The following ARHGEF33 variants were observed in gnomAD, a reference collection of about 807,000 sequenced individuals.
ARHGEF33 encodes the protein Rho guanine nucleotide exchange factor 33.
A neutral mutation model predicts 101.9 loss-of-function variants in ARHGEF33; 72 were observed. The observed-to-expected ratio is 0.71, with a 90% CI of 0.58 to 0.86. ARHGEF33 has a LOEUF of 0.86. Ranked by LOEUF, ARHGEF33 falls within the 40% of genes least tolerant of loss-of-function variation. The pLI is 0.00. For missense variants in ARHGEF33, 1,169 were observed against 1,111.3 expected (o/e 1.05, Z -0.74); for synonymous variants, 499 against 442.5 (o/e 1.13, Z -1.60).
chr2:38,961,252 G>A (rs1385208563), intron 16 of ARHGEF33, among the ~76,000 whole-genome samples: 1 of 152,152 alleles, frequency 6.6e-6, no homozygotes, highest in Non-Finnish European at 1.5e-5. Context: ...TCTTTTGACT[G>A]GAAAAGAGTG....
intron 2 of ARHGEF33, among the ~76,000 whole-genome samples, chr2:38,909,223 G>A (rs1363393873): frequency 3.3e-5 from 5 of 152,112 alleles, no homozygotes; most frequent in Non-Finnish European, 7.3e-5. Flanking sequence ...TCACGTAAGG[G>A]GCTGACTTGA....
At chr2:38,893,232 G>A (rs1221349958) in intron 1 of ARHGEF33, among the ~76,000 whole-genome samples, 1 of 150,718 alleles carries the variant, frequency 6.6e-6, no homozygotes, top group African/African-American at 2.4e-5. Context: ...GCACAGTCTT[G>A]GCTCACTGCA....
chr2:38,912,245 T>A (rs1288418379), intron 2 of ARHGEF33, among the ~76,000 whole-genome samples: 1 of 152,154 alleles, frequency 6.6e-6, no homozygotes, highest in Non-Finnish European at 1.5e-5. Context: ...GTGAGAGGCA[T>A]GTGGCAGCAT....
At chr2:38,960,930 TAGC>T (rs1436251728) in intron 16 of ARHGEF33, among the ~76,000 whole-genome samples, 1 of 152,034 alleles carries the variant, frequency 6.6e-6, no homozygotes, top group Admixed American at 6.5e-5. Flanking sequence ...ATGGCAGAGG[TAGC>T]AGAGAAGCCC....
At chr2:38,913,949 T>C (rs1223075954) in intron 2 of ARHGEF33, among the ~76,000 whole-genome samples, 1 of 150,848 alleles carries the variant, frequency 6.6e-6, no homozygotes, top group Non-Finnish European at 1.5e-5. Context: ...ATTAGGCAAA[T>C]CAGAGGATTA....
chr2:38,955,899 T>C lies in ARHGEF33; in HGVS notation c.1222-1000T>C, dbSNP rs568221627. ...ACCGTGTTAGCCAGGATGGTCTCGA[T>C]CTCCTGGTGATCTGCCCGCCTCACC... On this transcript the variant is annotated intron_variant, in intron 13 of 17. Coordinates refer to ENST00000409978, the MANE Select transcript of ARHGEF33 (RefSeq NM_001145451.5). Among the ~76,000 whole-genome samples the C allele has an allele frequency of 5.9e-5, 9 of 152,036 alleles. No individual in the cohort carries two copies. The South Asian group carries it at 1.7e-3, about 28-fold the overall frequency.
chr2:38,908,237 GA>G (rs1260773545), intron 2 of ARHGEF33, among the ~76,000 whole-genome samples: 5 of 152,070 alleles, frequency 3.3e-5, no homozygotes, highest in Admixed American at 2.0e-4. Context: ...AGATTAAAGA[GA>G]GTCAAGTCAG....
intron 2 of ARHGEF33, among the ~76,000 whole-genome samples, chr2:38,901,183 C>T (rs1459177981): frequency 2.0e-5 from 3 of 152,130 alleles, no homozygotes; most frequent in African/African-American, 4.8e-5. Flanking sequence ...TTTTTGTGAT[C>T]AGTAAAACTG....
intron 9 of ARHGEF33, among the ~76,000 whole-genome samples, chr2:38,939,049 T>C (rs1667232051): frequency 6.6e-6 from 1 of 152,328 alleles, no homozygotes; most frequent in East Asian, 1.9e-4. Flanking sequence ...CTTGGCTCCC[T>C]GCAACATCTG....
intron 16 of ARHGEF33, among the ~76,000 whole-genome samples, chr2:38,961,386 A>G (rs935349355): frequency 2.0e-5 from 3 of 152,078 alleles, no homozygotes; most frequent in Non-Finnish European, 4.4e-5. Flanking sequence ...CAGGTGTTTG[A>G]TATTTTGGTG....
intron 2 of ARHGEF33, among the ~76,000 whole-genome samples, chr2:38,903,781 G>C (rs1008538855): frequency 6.6e-6 from 1 of 152,192 alleles, no homozygotes; most frequent in Non-Finnish European, 1.5e-5. Context: ...TACTCACCCA[G>C]TCTGGATTTT....
At chr2:38,967,360 T>C (rs920408891) in intron 17 of ARHGEF33, among the ~76,000 whole-genome samples, 1 of 152,202 alleles carries the variant, frequency 6.6e-6, no homozygotes, top group Non-Finnish European at 1.5e-5. Context: ...AGCCCTGCAT[T>C]CTCTCTCAGT....
chr2:38,950,513 G>A (rs1239404145), intron 10 of ARHGEF33, among the ~76,000 whole-genome samples: 8 of 152,124 alleles, frequency 5.3e-5, no homozygotes, highest in Admixed American at 1.3e-4. Flanking sequence ...GTGAAGTGGC[G>A]TGATCTGAGC....
chr2:38,939,033 C>A (rs959429205), intron 9 of ARHGEF33, among the ~76,000 whole-genome samples: 2 of 152,068 alleles, frequency 1.3e-5, no homozygotes, highest in East Asian at 1.9e-4. Flanking sequence ...AGTGCAATGT[C>A]GTGATCTTGG....
At chr2:38,962,249 A>T (rs1282347359) in intron 16 of ARHGEF33, among the ~76,000 whole-genome samples, 2 of 152,242 alleles carry the variant, frequency 1.3e-5, no homozygotes, top group African/African-American at 4.8e-5. Context: ...TGGAAATTAT[A>T]GTGCCAATTC....
intron 7 of ARHGEF33, 111 bp from the exon 8 acceptor site, chr2:38,935,663 CT>C: frequency 2.6e-6 from 2 of 768,146 alleles, no homozygotes; most frequent in South Asian, 3.7e-5. Flanking sequence ...ACTGCTCTGC[CT>C]CCCCCATGAA....
Position 38,931,214 on chromosome 2 carries a change from C to A in ARHGEF33, c.468C>A (p.Asp156Glu), listed in dbSNP as rs553334031. The change falls in exon 7 of 18, where the codon GAC (aspartate) becomes GAA (glutamate). Residue 156 changes from aspartate to glutamate, a missense_variant. Coordinates refer to ENST00000409978, the MANE Select transcript of ARHGEF33 (RefSeq NM_001145451.5). Reference sequence around the variant, plus strand: ...CTGAGCCTGTTCTTCCAAGCGAAGACTTTACCAACCTTTTGCCTTCTCAGG... The same window carrying A: ...CTGAGCCTGTTCTTCCAAGCGAAGAATTTACCAACCTTTTGCCTTCTCAGG... ...NIPEPVLPSEDFTNLLPSQAY... is the reference protein window; with the variant it reads ...NIPEPVLPSEEFTNLLPSQAY... 12 of 1,551,224 alleles carry A rather than the reference C, an allele frequency of 7.7e-6. No individual in the cohort carries two copies. The South Asian group carries it at 1.4e-4, about 18-fold the overall frequency.
chr2:38,920,199 A>G lies in ARHGEF33; in HGVS notation c.25+727A>G, dbSNP rs181834155. Among the ~76,000 whole-genome samples, 753 of 152,292 alleles carry G rather than the reference A, an allele frequency of 4.9e-3. 2 individuals are homozygous for G. The highest frequency in any genetic ancestry group is 8.4e-3 in the Non-Finnish European group (573 of 68,010). Reference sequence around the variant, plus strand: ...TCCACACAACCAAATGTTTGCAACCAGGGGCTTCCTCTATAAACTGTTTGA... The same window carrying G: ...TCCACACAACCAAATGTTTGCAACCGGGGGCTTCCTCTATAAACTGTTTGA... On this transcript the variant is annotated intron_variant, in intron 3 of 17. Coordinates refer to ENST00000409978, the MANE Select transcript of ARHGEF33 (RefSeq NM_001145451.5).
intron 9 of ARHGEF33, among the ~76,000 whole-genome samples, chr2:38,939,468 T>A (rs1037249791): frequency 5.9e-5 from 9 of 152,222 alleles, no homozygotes; most frequent in African/African-American, 2.2e-4. Context: ...CCCAGTTGCT[T>A]CACATACTTT....
Sources: gnomAD v4.1 joint callset for allele counts (sites outside exome capture counted in the v4.1 genomes callset) on GRCh38, gnomAD v4.1.1 for gene constraint, MANE v1.5 for transcripts, NCBI Gene and HGNC (gene_info 2026-07-23, HGNC 2026-07-21) for gene names.